The following GRIP1 variants were observed in gnomAD, a reference collection of about 807,000 sequenced individuals.
GRIP1 encodes the protein glutamate receptor interacting protein 1, also known as glutamate receptor-interacting protein 1.
A neutral mutation model predicts 129.9 loss-of-function variants in GRIP1; 45 were observed. The ratio of observed to expected loss-of-function variants is 0.35; its 90% CI spans 0.27 to 0.44. The LOEUF is 0.44. GRIP1 is among the 20% of genes least tolerant of loss of function. The pLI is 1.00. For synonymous variants in GRIP1, 530 were observed against 520.8 expected, an observed-to-expected ratio of 1.02 and a Z score of -0.24; for missense variants, 1,196 against 1,396.8, an observed-to-expected ratio of 0.86 and a Z score of 2.29.
intron 1 of GRIP1, among the ~76,000 whole-genome samples, chr12:66,777,338 C>G (rs1217999820): frequency 6.6e-6 from 1 of 152,098 alleles, no homozygotes; most frequent in Non-Finnish European, 1.5e-5. Flanking sequence ...CTTGGAACAC[C>G]CTTCCCCCTG....
intron 1 of GRIP1, among the ~76,000 whole-genome samples, chr12:66,641,056 A>ACATAGTTTAGT (rs2031879496): frequency 1.3e-5 from 2 of 152,214 alleles, no homozygotes; most frequent in African/African-American, 2.4e-5. Context: ...TATTAACTAT[A>ACATAGTTTAGT]CATAGTTTAG....
chr12:66,697,574 C>A lies in GRIP1; in HGVS notation c.-419-67238G>T, dbSNP rs140091249. 3.3e-3 allele frequency among the ~76,000 whole-genome samples: 496 copies of A among 152,266 alleles called. 4 individuals carry two copies. Among genetic ancestry groups the A allele is most frequent in the African/African-American group, 0.011 (474 of 41,546 alleles). On this transcript the variant is annotated intron_variant, in intron 1 of 4. Transcript: ENST00000538373. The stretch of plus-strand genomic sequence containing the variant: ...GACTCACTTGGGGCTCAATTTGGGG[C>A]AGTCACACATTTGAGACTACTTTTT...
chr12:66,523,755 C>G (rs1022691551), intron 5 of GRIP1, among the ~76,000 whole-genome samples: 12 of 152,074 alleles, frequency 7.9e-5, no homozygotes, highest in Non-Finnish European at 1.8e-4. Context: ...AGAGTCAAGA[C>G]CCATCAGTGT....
chr12:66,613,966 T>G (rs1417469363), intron 1 of GRIP1, among the ~76,000 whole-genome samples: 2 of 152,184 alleles, frequency 1.3e-5, no homozygotes, highest in African/African-American at 4.8e-5. Flanking sequence ...TTCACTGATC[T>G]TTTCATTCTT....
intron 22 of GRIP1, among the ~76,000 whole-genome samples, chr12:66,374,903 AAAAT>A (rs2055712234): frequency 6.6e-6 from 1 of 152,234 alleles, no homozygotes; most frequent in South Asian, 2.1e-4. Flanking sequence ...TATAAAAACT[AAAAT>A]AAAAAGCTAA....
intron 5 of GRIP1, among the ~76,000 whole-genome samples, chr12:66,525,047 CA>C (rs2061172905): frequency 6.6e-6 from 1 of 152,216 alleles, no homozygotes; most frequent in East Asian, 1.9e-4. Context: ...AGTAGCTTAC[CA>C]ACCAAAAAAA....
chr12:66,468,987 T>C (rs12099798), intron 7 of GRIP1, among the ~76,000 whole-genome samples: 8,570 of 152,236 alleles, frequency 0.056, 532 homozygotes, highest in East Asian at 0.22. Context: ...AATATTTCCA[T>C]TTGGGGGATG....
chr12:66,959,987 G>C (rs1259893024), intron 1 of GRIP1, among the ~76,000 whole-genome samples: 1 of 152,128 alleles, frequency 6.6e-6, no homozygotes, highest in Non-Finnish European at 1.5e-5. Flanking sequence ...GGGTGATTGG[G>C]AGGAGGTAAC....
Position 67,064,715 on chromosome 12 carries a change from G to A in GRIP1, c.58+4335C>T, listed in dbSNP as rs538404968. ...GAAACAGGCCAAGTTTGTAGTAAAG[G>A]TCTACTCCTTAAGCTCCCTGTGCTT... On this transcript the variant is annotated intron_variant, in intron 1 of 1. Transcript: ENST00000643019. Among the ~76,000 whole-genome samples the A allele has an allele frequency of 2.0e-5, 3 of 152,218 alleles. No individual in the cohort carries two copies. In the East Asian group the frequency reaches 5.8e-4, roughly 29 times the overall value.
At chr12:67,037,329 A>AAATAATGATAATAAT (rs1555167302) in intron 1 of GRIP1, 1 of 139,188 alleles carries the variant, frequency 7.2e-6, no homozygotes, top group African/African-American at 2.6e-5. Flanking sequence ...CTCTGCCTGA[A>AAATAATGATAATAAT]AATAATAATA....
At chr12:66,850,844 G>C (rs184160012) in intron 1 of GRIP1, among the ~76,000 whole-genome samples, 1 of 151,480 alleles carries the variant, frequency 6.6e-6, no homozygotes, top group Admixed American at 6.6e-5. Flanking sequence ...TCATTAATAT[G>C]AATGTGACCT....
At chr12:66,902,119 C>G (rs2040853571) in intron 1 of GRIP1, among the ~76,000 whole-genome samples, 1 of 152,104 alleles carries the variant, frequency 6.6e-6, no homozygotes, top group Non-Finnish European at 1.5e-5. Context: ...TAGTTCTTTA[C>G]AGTGGTGTTG....
chr12:66,638,800 G>A (rs1005756345), intron 1 of GRIP1, among the ~76,000 whole-genome samples: 2 of 151,470 alleles, frequency 1.3e-5, no homozygotes, highest in East Asian at 3.9e-4. Flanking sequence ...AGCTTTACTT[G>A]TAACACACAC....
chr12:66,377,368 C>T (rs2055846095), intron 20 of GRIP1, 83 bp from the exon 21 acceptor site: 1 of 932,838 alleles, frequency 1.1e-6, no homozygotes, highest in Admixed American at 1.7e-5. Context: ...CTCTCTGTCG[C>T]CCAGGCTGGA....
intron 1 of GRIP1, among the ~76,000 whole-genome samples, chr12:66,844,021 T>C (rs1384467382): frequency 6.6e-6 from 1 of 152,120 alleles, no homozygotes; most frequent in African/African-American, 2.4e-5. Context: ...AAGTCAGCCT[T>C]TGGAATGGGA....
At chr12:66,977,625 C>T (rs190533486) in intron 1 of GRIP1, among the ~76,000 whole-genome samples, 126 of 152,048 alleles carry the variant, frequency 8.3e-4, no homozygotes, top group African/African-American at 2.8e-3. Context: ...ATTAGTTTTG[C>T]CCATTTTTAA....
chr12:66,612,135 GA>G (rs1195508708), intron 1 of GRIP1, among the ~76,000 whole-genome samples: 1 of 152,088 alleles, frequency 6.6e-6, no homozygotes, highest in Admixed American at 6.6e-5. Context: ...AGCATAGGCT[GA>G]AAAAACACAG....
At chr12:66,515,879 G>C (rs2060830104) in intron 6 of GRIP1, 115 bp from the exon 7 acceptor site, 4 of 825,948 alleles carry the variant, frequency 4.8e-6, no homozygotes, top group Non-Finnish European at 8.4e-6. Flanking sequence ...CATCTCATTT[G>C]CATTCTTTTT....
intron 1 of GRIP1, among the ~76,000 whole-genome samples, chr12:66,949,427 G>A (rs770300613): frequency 6.6e-6 from 1 of 152,158 alleles, no homozygotes; most frequent in Admixed American, 6.5e-5. Flanking sequence ...AATTAGCTCC[G>A]ATAGCCTGCA....
Sources: allele counts gnomAD v4.1 joint callset (sites outside exome capture counted in the v4.1 genomes callset), GRCh38; gene constraint gnomAD v4.1.1; transcripts MANE v1.5; gene names NCBI Gene and HGNC (gene_info 2026-07-23, HGNC 2026-07-21).